Variants in PRKG1 observed in about 807,000 individuals in gnomAD.
PRKG1 encodes protein kinase cGMP-dependent 1.
A neutral mutation model predicts 88.1 loss-of-function variants in PRKG1; 35 were observed. The ratio of observed to expected loss-of-function variants is 0.40; its 90% CI spans 0.30 to 0.53. The LOEUF is 0.53. Among genes scored for constraint, PRKG1 ranks in the 20% least tolerant of loss-of-function variants. PRKG1 has a pLI of 0.59. For synonymous variants in PRKG1, 303 were observed against 292.5 expected (o/e 1.04, Z -0.37); for missense variants, 540 against 839.8 (o/e 0.64, Z 4.41).
intron 3 of PRKG1, among the ~76,000 whole-genome samples, chr10:51,527,449 A>C (rs903534670): frequency 6.6e-6 from 1 of 152,152 alleles, no homozygotes; most frequent in South Asian, 2.1e-4. Context: ...AAACAGTGGA[A>C]ATGAGCTGAG....
intron 2 of PRKG1, among the ~76,000 whole-genome samples, chr10:51,433,514 A>G (rs1658920637): frequency 6.6e-6 from 1 of 152,094 alleles, no homozygotes; most frequent in African/African-American, 2.4e-5. Context: ...ATAAAACCAC[A>G]TGAAAGGAAT....
chr10:52,293,312 A>G (rs1477702352), intron 17 of PRKG1, among the ~76,000 whole-genome samples: 3 of 151,714 alleles, frequency 2.0e-5, no homozygotes, highest in African/African-American at 4.9e-5. Context: ...GGAAGAATCA[A>G]TATCGTGAAA....
At chr10:51,962,570 G>T (rs752395625) in intron 5 of PRKG1, among the ~76,000 whole-genome samples, 1 of 152,102 alleles carries the variant, frequency 6.6e-6, no homozygotes, top group Non-Finnish European at 1.5e-5. Context: ...TGTGGTCATG[G>T]TCTCTTCCTG....
intron 9 of PRKG1, among the ~76,000 whole-genome samples, chr10:52,209,735 C>T (rs543985154): frequency 6.6e-6 from 1 of 152,164 alleles, no homozygotes; most frequent in South Asian, 2.1e-4. Flanking sequence ...CCATCCATCC[C>T]CTTCTCCCTC....
chr10:51,908,725 C>CTATCTATATATATATATATA (rs1299574623), intron 5 of PRKG1: 5 of 60,580 alleles, frequency 8.3e-5, no homozygotes, highest in East Asian at 5.0e-4. Context: ...GTCTATCTAT[C>CTATCTATATATATATATATA]TATATGTAAT....
chr10:51,351,568 C>G (rs572737967), intron 2 of PRKG1, among the ~76,000 whole-genome samples: 19 of 151,990 alleles, frequency 1.3e-4, no homozygotes, highest in African/African-American at 4.6e-4. Flanking sequence ...TGAGAAGTGT[C>G]TCTTCATATC....
At chr10:51,324,602 G>A (rs540465796) in intron 2 of PRKG1, among the ~76,000 whole-genome samples, 39 of 151,336 alleles carry the variant, frequency 2.6e-4, no homozygotes, top group African/African-American at 5.8e-4. Flanking sequence ...ATAGCCGGGC[G>A]TGGTGGCGGG....
At chr10:51,883,738 G>A (rs1192656177) in intron 4 of PRKG1, among the ~76,000 whole-genome samples, 2 of 152,178 alleles carry the variant, frequency 1.3e-5, no homozygotes, top group Non-Finnish European at 2.9e-5. Context: ...TGGCAGGGCT[G>A]TGTGTCAAAA....
chr10:51,538,512 A>G (rs1271939401), intron 3 of PRKG1, among the ~76,000 whole-genome samples: 1 of 76,300 alleles, frequency 1.3e-5, no homozygotes, highest in Admixed American at 1.5e-4. Flanking sequence ...TTTCATCTGG[A>G]CACACATACA....
chr10:51,937,223 C>G (rs144639947), intron 5 of PRKG1, among the ~76,000 whole-genome samples: 92 of 152,054 alleles, frequency 6.1e-4, no homozygotes, highest in African/African-American at 2.0e-3. Context: ...TCTTCACATG[C>G]AAGCAGGGAC....
intron 1 of PRKG1, among the ~76,000 whole-genome samples, chr10:51,121,633 T>A (rs955425363): frequency 2.6e-5 from 4 of 152,132 alleles, no homozygotes; most frequent in Non-Finnish European, 5.9e-5. Flanking sequence ...AGATTTAAAA[T>A]TTTAAAGATT....
intron 3 of PRKG1, among the ~76,000 whole-genome samples, chr10:51,551,066 A>G (rs1837117327): frequency 6.6e-6 from 1 of 151,858 alleles, no homozygotes; most frequent in Non-Finnish European, 1.5e-5. Context: ...TGGCCCTTAT[A>G]ACTTGAATTT....
chr10:52,042,729 T>G (rs12356110), intron 5 of PRKG1, among the ~76,000 whole-genome samples: 1 of 152,032 alleles, frequency 6.6e-6, no homozygotes, highest in Non-Finnish European at 1.5e-5. Flanking sequence ...AATGAGATTA[T>G]GTCAAACTCA....
intron 10 of PRKG1, among the ~76,000 whole-genome samples, chr10:52,269,874 G>A (rs1030304428): frequency 6.6e-6 from 1 of 151,634 alleles, no homozygotes; most frequent in Non-Finnish European, 1.5e-5. Flanking sequence ...AAGGCATGTG[G>A]AAGATCCATG....
intron 3 of PRKG1, among the ~76,000 whole-genome samples, chr10:51,580,865 C>A (rs551213478): frequency 6.6e-6 from 1 of 152,092 alleles, no homozygotes; most frequent in African/African-American, 2.4e-5. Context: ...TGACACCAAG[C>A]GGGGTGGTCT....
chr10:51,005,051 T>C (rs1270741586), intron 1 of PRKG1, among the ~76,000 whole-genome samples: 1 of 152,196 alleles, frequency 6.6e-6, no homozygotes. Context: ...GAGATTTCAT[T>C]TCATTATTTT....
At chr10:52,063,781 T>C (rs562168030) in intron 7 of PRKG1, among the ~76,000 whole-genome samples, 68 of 152,020 alleles carry the variant, frequency 4.5e-4, no homozygotes, top group African/African-American at 1.6e-3. Flanking sequence ...CAATGAGTGT[T>C]CAGTTGTCAA....
At position 51,350,752 on chromosome 10, in the gene PRKG1, A is replaced by G. The variant is rs2132564222; in HGVS notation, c.479-116971A>G. ...GTTGCAGAACAAGAAATCAACATAC[A>G]AAAATCAGTAGCATTTCTTTTTCTT... On this transcript the variant is annotated intron_variant, in intron 2 of 17. Transcript: ENST00000373980. Among the ~76,000 whole-genome samples, 3 of 152,314 alleles carry G rather than the reference A, an allele frequency of 2.0e-5. No individual in the cohort carries two copies. The East Asian group carries it at 5.8e-4, about 29-fold the overall frequency.
chr10:52,267,643 G>A (rs1841610563), intron 10 of PRKG1, among the ~76,000 whole-genome samples: 1 of 151,868 alleles, frequency 6.6e-6, no homozygotes, highest in Admixed American at 6.6e-5. Context: ...AGATGTGTGT[G>A]TATATATATA....
Sources: gnomAD v4.1 joint callset for allele counts (sites outside exome capture counted in the v4.1 genomes callset) on GRCh38, gnomAD v4.1.1 for gene constraint, MANE v1.5 for transcripts, NCBI Gene and HGNC (gene_info 2026-07-23, HGNC 2026-07-21) for gene names.